The following CNTN4 variants were observed in gnomAD, a reference collection of about 807,000 sequenced individuals.
CNTN4 encodes the protein contactin 4.
A neutral mutation model predicts 122.5 loss-of-function variants in CNTN4; 77 were observed. That is an observed-to-expected ratio of 0.63 (90% CI 0.52 to 0.76). CNTN4 has a LOEUF of 0.76. Among genes scored for constraint, CNTN4 ranks in the 30% least tolerant of loss-of-function variants. CNTN4 has a pLI of 0.00. For missense variants in CNTN4, 1,256 were observed against 1,259.1 expected (o/e 1.00, Z 0.04); for synonymous variants, 512 against 447.0 (o/e 1.15, Z -1.83).
chr3:2,990,947 G>C (rs1367404727), intron 14 of CNTN4, among the ~76,000 whole-genome samples: 1 of 151,972 alleles, frequency 6.6e-6, no homozygotes, highest in Non-Finnish European at 1.5e-5. Flanking sequence ...TCCACTAACG[G>C]CAATAATAAC....
intron 3 of CNTN4, among the ~76,000 whole-genome samples, chr3:2,400,450 T>TATATATATATA (rs71058616): frequency 1.5e-5 from 2 of 131,720 alleles, no homozygotes; most frequent in Non-Finnish European, 3.3e-5. Flanking sequence ...TATATATATA[T>TATATATATATA]CTCTTTTTTT....
At chr3:2,747,448 T>C (rs755262312) in intron 6 of CNTN4, among the ~76,000 whole-genome samples, 4 of 140,560 alleles carry the variant, frequency 2.8e-5, no homozygotes, top group Non-Finnish European at 6.2e-5. Flanking sequence ...TAAAATACTA[T>C]ACCCAAACTT....
At chr3:2,370,118 A>G (rs753208451) in intron 3 of CNTN4, among the ~76,000 whole-genome samples, 4 of 152,138 alleles carry the variant, frequency 2.6e-5, no homozygotes, top group Non-Finnish European at 4.4e-5. Flanking sequence ...TTGCTTTCAC[A>G]TTCTCTCTGC....
At chr3:2,928,160 C>T (rs540588411) in intron 13 of CNTN4, among the ~76,000 whole-genome samples, 2 of 152,154 alleles carry the variant, frequency 1.3e-5, no homozygotes, top group Non-Finnish European at 2.9e-5. Context: ...TTTGTTTGAG[C>T]TTCCATTTTT....
At chr3:2,341,905 G>C (rs1280060085) in intron 3 of CNTN4, among the ~76,000 whole-genome samples, 1 of 152,120 alleles carries the variant, frequency 6.6e-6, no homozygotes, top group African/African-American at 2.4e-5. Flanking sequence ...CAGCCTTCCA[G>C]TGCCCTCTCC....
At chr3:2,462,317 T>G (rs2151439401) in intron 3 of CNTN4, among the ~76,000 whole-genome samples, 1 of 152,148 alleles carries the variant, frequency 6.6e-6, no homozygotes, top group East Asian at 1.9e-4. Flanking sequence ...GGATAAAGAC[T>G]AGCATTGTGC....
intron 3 of CNTN4, among the ~76,000 whole-genome samples, chr3:2,475,870 C>T (rs1413336786): frequency 6.6e-6 from 1 of 152,170 alleles, no homozygotes; most frequent in Non-Finnish European, 1.5e-5. Context: ...CTCATATGCT[C>T]TACACAGTGG....
intron 2 of CNTN4, among the ~76,000 whole-genome samples, chr3:2,300,593 G>A (rs956737563): frequency 2.4e-5 from 2 of 82,406 alleles, no homozygotes; most frequent in African/African-American, 4.7e-5. Context: ...TTTTTTTTGA[G>A]ATGGAGTCTT....
intron 4 of CNTN4, among the ~76,000 whole-genome samples, chr3:2,670,179 G>A (rs538343404): frequency 7.7e-4 from 118 of 152,266 alleles, no homozygotes; most frequent in African/African-American, 2.5e-3. Context: ...TCTGTCTAAT[G>A]TTGACAGTGG....
chr3:2,398,660 T>G (rs1386733878), intron 3 of CNTN4, among the ~76,000 whole-genome samples: 3 of 152,136 alleles, frequency 2.0e-5, no homozygotes, highest in Non-Finnish European at 4.4e-5. Flanking sequence ...GAAATTTTGT[T>G]CAGTATTAAA....
At position 3,053,800 on chromosome 3, in the gene CNTN4, T is replaced by C. The variant is rs758203997; in HGVS notation, c.2812-7T>C. 27 of 1,613,870 alleles carry C rather than the reference T, an allele frequency of 1.7e-5. No individual in the cohort carries two copies. Among genetic ancestry groups the C allele is most frequent in the Non-Finnish European group, 1.9e-5 (22 of 1,179,844 alleles). The stretch of plus-strand genomic sequence containing the variant: ...GCAGGTGACACCTGTTCTTTCTGTA[T>C]TGGCAGGTCTTGTACAGATGGAACA... On this transcript the variant is annotated splice_region_variant and splice_polypyrimidine_tract_variant and intron_variant, in intron 23 of 24. Transcript: ENST00000418658.
At chr3:2,849,602 C>T (rs935069250) in intron 7 of CNTN4, among the ~76,000 whole-genome samples, 1 of 152,170 alleles carries the variant, frequency 6.6e-6, no homozygotes. Flanking sequence ...CAGCACTTCT[C>T]CACTGAAGTT....
At chr3:2,979,492 T>G (rs941321990) in intron 13 of CNTN4, among the ~76,000 whole-genome samples, 5 of 152,262 alleles carry the variant, frequency 3.3e-5, no homozygotes, top group African/African-American at 1.2e-4. Context: ...TCTTCAGGAG[T>G]TTAGCCTCCC....
rs150418529 is a variant in CNTN4, at chr3:2,982,268, T to G, written c.1359-6077T>G. Among the ~76,000 whole-genome samples the G allele has an allele frequency of 1.2e-3, 176 of 152,336 alleles. 1 individual carries two copies. Among genetic ancestry groups the G allele is most frequent in the Non-Finnish European group, 1.3e-3 (88 of 68,022 alleles). Reference sequence around the variant, plus strand: ...TCAAGGCAGTCATCACGGAATCATCTTCAGAATCCATTCCTTCCATTCTAC... The same window carrying G: ...TCAAGGCAGTCATCACGGAATCATCGTCAGAATCCATTCCTTCCATTCTAC... On this transcript the variant is annotated intron_variant, in intron 13 of 24. Transcript: ENST00000418658.
intron 4 of CNTN4, among the ~76,000 whole-genome samples, chr3:2,719,661 C>T (rs374981524): frequency 5.9e-5 from 9 of 152,072 alleles, no homozygotes; most frequent in Admixed American, 3.3e-4. Flanking sequence ...TGACCTCAGG[C>T]GATCCGCCTG....
rs148781052 is a variant in CNTN4 at position 2,589,085 on chromosome 3, T to A, written c.55+17527T>A. Among the ~76,000 whole-genome samples the A allele has an allele frequency of 2.0e-3, 308 of 152,292 alleles. 2 individuals are homozygous for A. The highest frequency in any genetic ancestry group is 6.8e-3 in the Middle Eastern group (2 of 294). On this transcript the variant is annotated intron_variant, in intron 4 of 24. Transcript: ENST00000418658. The stretch of plus-strand genomic sequence containing the variant: ...TTTATTCCTTGCCTCTCCCCATCCA[T>A]AATAGCATGCAATGAGTGACATAAA...
intron 14 of CNTN4, among the ~76,000 whole-genome samples, chr3:3,012,045 T>G (rs1296440110): frequency 2.0e-5 from 3 of 152,142 alleles, no homozygotes; most frequent in Admixed American, 1.3e-4. Flanking sequence ...TTTCCCACAA[T>G]CAGTCAACTA....
intron 14 of CNTN4, among the ~76,000 whole-genome samples, chr3:3,004,427 A>G (rs1177089222): frequency 6.6e-6 from 1 of 152,068 alleles, no homozygotes; most frequent in Non-Finnish European, 1.5e-5. Context: ...CTTCCTCTCT[A>G]TTTCTGTGAC....
intron 4 of CNTN4, among the ~76,000 whole-genome samples, chr3:2,719,334 C>T (rs190540842): frequency 3.9e-4 from 58 of 150,206 alleles, no homozygotes; most frequent in African/African-American, 1.3e-3. Context: ...CTCACTCTGT[C>T]GCCCAGGCTG....
Sources: allele counts gnomAD v4.1 joint callset (sites outside exome capture counted in the v4.1 genomes callset), GRCh38; gene constraint gnomAD v4.1.1; transcripts MANE v1.5; gene names NCBI Gene and HGNC (gene_info 2026-07-23, HGNC 2026-07-21).